Variants in CTDP1 observed in about 807,000 individuals in gnomAD.
The protein encoded by CTDP1 is RNA polymerase II subunit A C-terminal domain phosphatase.
Under a neutral mutation model 91.8 loss-of-function variants are expected in CTDP1, and 47 were observed. The ratio of observed to expected loss-of-function variants is 0.51; its 90% confidence interval spans 0.41 to 0.65. CTDP1 has a LOEUF of 0.65. CTDP1 is among the 30% of genes least tolerant of loss of function. The probability of loss-of-function intolerance (pLI) is 0.00; values close to 1 mark genes in which losing one functional copy is unlikely to be tolerated. For missense variants in CTDP1, 1,272 were observed against 1,373.7 expected (o/e 0.93, Z 1.17); for synonymous variants, 656 against 598.5 (o/e 1.10, Z -1.40).
In CTDP1 at chr18:79,717,950, C is replaced by T. The variant is rs750320832; in HGVS notation, c.2351C>T (p.Thr784Met). The change falls in exon 10 of 13, where the codon ACG (threonine) becomes ATG (methionine). Residue 784 changes from threonine (T) to methionine (M), a missense_variant. Around this residue, in one of 3 missense-constraint regions of CTDP1, gnomAD observed 881 missense variants for 911.6 expected, o/e 0.97. Coordinates refer to ENST00000613122, the MANE Select transcript of CTDP1 (RefSeq NM_004715.5). ...YDSNTGKLIR[T>M]GARGPPAPSS... ...TCCAACACGGGGAAGCTCATCAGGA[C>T]GGGCGCCCGGGGGCCCCCAGCACCC... is the stretch of plus-strand genomic sequence containing the variant. 26 of 1,613,350 alleles carry T rather than the reference C, an allele frequency of 1.6e-5. No individual in the cohort carries two copies. The highest frequency in any genetic ancestry group is 4.0e-5 in the African/African-American group (3 of 74,924).
chr18:79,719,327 C>T (rs2086286479), intron 10 of CTDP1, among the ~76,000 whole-genome samples: 1 of 151,852 alleles, frequency 6.6e-6, no homozygotes. Context: ...TGGGCAGGTG[C>T]AGGGTGGCTG....
At position 79,714,791 on chromosome 18, in the gene CTDP1, G is replaced by T; in HGVS notation, c.1331G>T (p.Gly444Val). 1 of 1,603,730 alleles carries T rather than the reference G, an allele frequency of 6.2e-7. No homozygotes were observed. Among genetic ancestry groups the T allele is most frequent in the South Asian group, 1.1e-5 (1 of 89,642 alleles). The change falls in exon 8 of 13, where the codon GGT becomes GTT. Residue 444 changes from glycine (G) to valine (V), a missense_variant. Gly to Val is a moderately radical substitution (Grantham distance 109, BLOSUM62 -3). Coordinates refer to ENST00000613122, the MANE Select transcript of CTDP1 (RefSeq NM_004715.5). ...GCACCGGGACAGCGGCCTGCCCAGG[G>T]TGCCACGGGCACTGACCTGGACTTT... ...RVAPGQRPAQGATGTDLDFDL... is the reference protein window; with the variant it reads ...RVAPGQRPAQVATGTDLDFDL...
chr18:79,731,071 C>T (rs1388241734), intron 11 of CTDP1, among the ~76,000 whole-genome samples: 2 of 152,148 alleles, frequency 1.3e-5, no homozygotes, highest in Non-Finnish European at 2.9e-5. Context: ...CTGCACCCCC[C>T]CGTGGGCCTG....
chr18:79,695,926 C>A, intron 2 of CTDP1, 51 bp from the exon 3 acceptor site: 1 of 1,433,038 alleles, frequency 7.0e-7, no homozygotes, highest in Non-Finnish European at 9.8e-7. Flanking sequence ...CAGTGTGCAT[C>A]TGTGCGCAGA....
At chr18:79,716,419 G>T (rs189123132) in intron 8 of CTDP1, among the ~76,000 whole-genome samples, 1 of 152,250 alleles carries the variant, frequency 6.6e-6, no homozygotes, top group African/African-American at 2.4e-5. Context: ...TAAATGGAAG[G>T]TTCCATCTCA....
chr18:79,733,063 C>T (rs910188509), intron 11 of CTDP1, among the ~76,000 whole-genome samples: 1 of 152,234 alleles, frequency 6.6e-6, no homozygotes, highest in African/African-American at 2.4e-5. Flanking sequence ...GTGGCCAAAG[C>T]ACTGTGCCTG....
In CTDP1 at chr18:79,710,382, G is replaced by A. The variant is rs1335021101; in HGVS notation, c.809G>A (p.Arg270Gln). ...LDPEKKLFSH[R>Q]ILSRDECIDP... ...CCCGAGAAGAAGCTTTTTTCTCACC[G>A]AATATTATCAAGGGATGAATGTATT... The change falls in exon 6 of 13, where the codon CGA (arginine) becomes CAA (glutamine). Residue 270 changes from arginine to glutamine, a missense_variant. Physicochemically the swap from Arg to Gln is conservative, Grantham distance 43. Transcript: ENST00000613122. 6.2e-7 allele frequency: 1 copy of A among 1,613,622 alleles called. No homozygotes were observed. Among genetic ancestry groups the A allele is most frequent in the Non-Finnish European group, 8.5e-7 (1 of 1,179,934 alleles).
chr18:79,698,610 C>G (rs1454328116), intron 4 of CTDP1, among the ~76,000 whole-genome samples: 2 of 152,204 alleles, frequency 1.3e-5, no homozygotes, highest in East Asian at 3.8e-4. Flanking sequence ...TGTCTGTGCC[C>G]AGAGGCTTGC....
At chr18:79,741,651 G>C (rs2086780114) in intron 12 of CTDP1, among the ~76,000 whole-genome samples, 1 of 152,204 alleles carries the variant, frequency 6.6e-6, no homozygotes, top group South Asian at 2.1e-4. Context: ...CGAGTACCCA[G>C]ATCCCAACAC....
chr18:79,743,757 C>T (rs975451395), intron 12 of CTDP1, among the ~76,000 whole-genome samples: 4 of 152,116 alleles, frequency 2.6e-5, no homozygotes, highest in Admixed American at 1.3e-4. Context: ...TCTGATCAAG[C>T]GAGATATACG....
chr18:79,712,832 G>A (rs1425452804), intron 6 of CTDP1, 140 bp from the exon 7 acceptor site: 26 of 812,636 alleles, frequency 3.2e-5, no homozygotes, highest in South Asian at 2.0e-4. Flanking sequence ...AAAGGGCTTC[G>A]GGGCGGTTGG....
intron 11 of CTDP1, among the ~76,000 whole-genome samples, chr18:79,730,313 G>C (rs72976142): frequency 6.6e-6 from 1 of 152,216 alleles, no homozygotes; most frequent in Non-Finnish European, 1.5e-5. Flanking sequence ...AGGACCAGGG[G>C]TGGGAGGAGA....
chr18:79,753,599 C>T (rs1330427330), intron 12 of CTDP1, 53 bp from the exon 13 acceptor site: 2 of 1,613,638 alleles, frequency 1.2e-6, no homozygotes, highest in Middle Eastern at 1.6e-4. Context: ...AGGCGGTGAC[C>T]CGGCGTTGTG....
chr18:79,744,090 G>A (rs1320609837), intron 12 of CTDP1, among the ~76,000 whole-genome samples: 1 of 152,218 alleles, frequency 6.6e-6, no homozygotes, highest in Non-Finnish European at 1.5e-5. Flanking sequence ...AGAAACTCAG[G>A]AGGATGCAGC....
rs1478525962 is a variant in CTDP1, at chr18:79,713,987, G to A, written c.1031-504G>A. Among the ~76,000 whole-genome samples, 1 of 106,938 alleles carries A rather than the reference G, an allele frequency of 9.4e-6. No individual in the cohort carries two copies. Among genetic ancestry groups the A allele is most frequent in the Non-Finnish European group, 2.2e-5 (1 of 46,358 alleles). 70.2% of individuals were successfully genotyped at this position (106,938 alleles called of 152,430 possible). ...TGGCGCCAGGTCTGCAGGGGCTTACGGCCACGGTGGTGCCAGGTCTGCAGG... is the reference window on the plus strand; with the variant it reads ...TGGCGCCAGGTCTGCAGGGGCTTACAGCCACGGTGGTGCCAGGTCTGCAGG... On this transcript the variant is annotated intron_variant, in intron 7 of 12. Transcript: ENST00000613122. The surrounding 1 kb of genome is among the most constrained non-coding windows in gnomAD (Gnocchi z 4.7).
At chr18:79,737,169 G>T (rs1013649341) in intron 12 of CTDP1, among the ~76,000 whole-genome samples, 4 of 152,242 alleles carry the variant, frequency 2.6e-5, no homozygotes, top group African/African-American at 7.2e-5. Context: ...CCGCAACAGC[G>T]CACTCTAAAC....
upstream of CTDP1, among the ~76,000 whole-genome samples, chr18:79,677,119 G>T (rs76401746): frequency 0.062 from 9,463 of 152,274 alleles, 413 homozygotes; most frequent in South Asian, 0.15. Context: ...CTGCTGGTGG[G>T]AACAGGTTCA....
chr18:79,714,824 CCAGCGA>C lies in CTDP1; in HGVS notation c.1371_1376del (p.Asp457_Ser458del). ...GGCACTGACCTGGACTTTGACTTAT[CCAGCGA>C]CAGCGAGAGCAGCAGTGAGTCCGAG... On this transcript the variant is annotated inframe_deletion, in exon 8 of 13. Coordinates refer to ENST00000613122, the MANE Select transcript of CTDP1 (RefSeq NM_004715.5). 1 of 1,601,792 alleles carries C rather than the reference CCAGCGA, an allele frequency of 6.2e-7. No homozygotes were observed. The highest frequency in any genetic ancestry group is 1.3e-5 in the African/African-American group (1 of 75,008).
At chr18:79,724,417 A>G (rs2086405026) in intron 10 of CTDP1, among the ~76,000 whole-genome samples, 1 of 152,186 alleles carries the variant, frequency 6.6e-6, no homozygotes, top group South Asian at 2.1e-4. Context: ...GAATACCTGC[A>G]TCATCATTTC....
Sources: gnomAD v4.1 joint callset for allele counts (sites outside exome capture counted in the v4.1 genomes callset) on GRCh38, gnomAD v4.1.1 for gene constraint, gnomAD v4.1.1 regional missense constraint, Gnocchi (gnomAD v3.1) non-coding constraint, MANE v1.5 for transcripts, NCBI Gene and HGNC (gene_info 2026-07-23, HGNC 2026-07-21) for gene names.